The following MIGA1 variants were observed in gnomAD, a reference collection of about 807,000 sequenced individuals.
MIGA1 encodes the protein family with sequence similarity 73, member A.
MIGA1 carries 58 observed loss-of-function variants against 82.0 expected under a neutral mutation model. The ratio of observed to expected loss-of-function variants is 0.71; its 90% CI spans 0.57 to 0.88. The LOEUF (loss-of-function observed/expected upper bound fraction) is 0.88. Among genes scored for constraint, MIGA1 ranks in the 40% least tolerant of loss-of-function variants. MIGA1 has a pLI of 0.00. For synonymous variants in MIGA1, 249 were observed against 253.6 expected (o/e 0.98, Z 0.17); for missense variants, 751 against 749.1 (o/e 1.00, Z -0.03).
chr1:77,877,569 G>A lies in MIGA1; in HGVS notation c.*2505G>A, dbSNP rs910588810. ...TTCACACACACATGTGTGCGTGCAC[G>A]TGCATTTCATTACCATGTAGACAAG... On this transcript the variant is annotated 3_prime_UTR_variant, in exon 16 of 16. Transcript: ENST00000370791. 13 of 152,516 alleles carry A rather than the reference G, an allele frequency of 8.5e-5. No individual in the cohort carries two copies. Among genetic ancestry groups the A allele is most frequent in the African/African-American group, 2.9e-4 (12 of 41,426 alleles). 9.4% of individuals were successfully genotyped at this position (152,516 alleles called of 1,614,324 possible).
chr1:77,820,812 T>C (rs1683777458), intron 7 of MIGA1, among the ~76,000 whole-genome samples: 1 of 152,146 alleles, frequency 6.6e-6, no homozygotes, highest in African/African-American at 2.4e-5. Context: ...AACTAGAAGG[T>C]AATTTGCCTA....
chr1:77,806,918 T>C, intron 4 of MIGA1, 57 bp from the exon 5 acceptor site: 1 of 1,324,010 alleles, frequency 7.6e-7, no homozygotes, highest in South Asian at 1.4e-5. Flanking sequence ...ATATGAAAGA[T>C]CACAACATAC....
At position 77,801,371 on chromosome 1, in the gene MIGA1, C is replaced by G. The variant is rs746573349; in HGVS notation, c.236C>G (p.Thr79Ser). 2.8e-5 allele frequency: 44 copies of G among 1,583,076 alleles called. No individual in the cohort carries two copies. The South Asian group carries it at 5.1e-4, about 18-fold the overall frequency. ...GTGGCTAAAAAGTTGTTTGTGGTAACTGCAGTGAGTGCTATATCTGTAATT... is the reference window on the plus strand; with the variant it reads ...GTGGCTAAAAAGTTGTTTGTGGTAAGTGCAGTGAGTGCTATATCTGTAATT... Residue 79 changes from threonine (T) to serine (S), a missense_variant, in exon 3 of 16, where the codon ACT becomes AGT. Around this residue, in one of 3 missense-constraint regions of MIGA1, gnomAD observed 482 missense variants for 439.4 expected, o/e 1.10. Coordinates refer to ENST00000370791, the MANE Select transcript of MIGA1 (RefSeq NM_198549.4).
chr1:77,817,705 A>G (rs1281302371), intron 7 of MIGA1, among the ~76,000 whole-genome samples: 1 of 152,162 alleles, frequency 6.6e-6, no homozygotes. Flanking sequence ...AATTGCCTAG[A>G]AGTCAGTTAA....
intron 8 of MIGA1, among the ~76,000 whole-genome samples, chr1:77,852,025 C>T (rs1685074750): frequency 6.6e-6 from 1 of 151,914 alleles, no homozygotes; most frequent in South Asian, 2.1e-4. Context: ...GGTGGGATTA[C>T]AGGCATGTGC....
Position 77,848,337 on chromosome 1 carries a change from C to T in MIGA1, c.996+4930C>T, listed in dbSNP as rs1307046873. 37 of 1,254,338 alleles carry T rather than the reference C, an allele frequency of 2.9e-5. 2 individuals carry two copies. Among genetic ancestry groups the T allele is most frequent in the East Asian group, 1.0e-4 (4 of 39,376 alleles). The allele number at this position is 1,254,338 out of a possible 1,614,324, so 77.7% of individuals were successfully genotyped here. On this transcript the variant is annotated intron_variant, in intron 8 of 15. Transcript: ENST00000370791. ...AGAGAGACAACAAAATGATCAGAAC[C>T]GACACAGTGAGAAAGGAGAGAAGGA...
Position 77,875,213 on chromosome 1 carries a change from G to C in MIGA1, c.*149G>C. 3 of 636,166 alleles carry C rather than the reference G, an allele frequency of 4.7e-6. No homozygotes were observed. The highest frequency in any genetic ancestry group is 8.2e-6 in the Non-Finnish European group (3 of 367,816). 39.4% of individuals were successfully genotyped at this position (636,166 alleles called of 1,614,324 possible). A position where few individuals can be genotyped will look rare whatever the true frequency, so the allele number is the denominator to read the frequency against. ...CTACTAAAAAATGAGCAACTGTACT[G>C]TATTTATACAGAAGTTCTGTCATTG... On this transcript the variant is annotated 3_prime_UTR_variant, in exon 16 of 16. Transcript: ENST00000370791.
At chr1:77,803,138 T>A in intron 3 of MIGA1, 132 bp from the exon 4 acceptor site, 1 of 430,784 alleles carries the variant, frequency 2.3e-6, no homozygotes, top group Non-Finnish European at 4.0e-6. Flanking sequence ...TGTAATAATT[T>A]ACACAAGTGA....
Position 77,863,954 on chromosome 1 carries a change from G to A in MIGA1, c.1435G>A (p.Asp479Asn), listed in dbSNP as rs756847681. The A allele has an allele frequency of 5.6e-6, 9 of 1,604,340 alleles. No individual in the cohort carries two copies. The highest frequency in any genetic ancestry group is 1.7e-5 in the Admixed American group (1 of 57,216). Reference sequence around the variant, plus strand: ...TTTTATATTAATGGACTCCTTTGAAGATTTGGAAAACCCACCCACATCCAT... The same window carrying A: ...TTTTATATTAATGGACTCCTTTGAAAATTTGGAAAACCCACCCACATCCAT... The change falls in exon 13 of 16, where the codon GAT becomes AAT. Residue 479 changes from aspartate (D) to asparagine (N), a missense_variant. Physicochemically the swap from Asp to Asn is conservative, Grantham distance 23. Transcript: ENST00000370791.
At chr1:77,811,546 G>A in intron 5 of MIGA1, 1 of 1,606,156 alleles carries the variant, frequency 6.2e-7, no homozygotes, top group Non-Finnish European at 8.5e-7. Context: ...AGACTGTGTG[G>A]ACTGTAAAGC....
chr1:77,817,856 A>T (rs1399386006), intron 7 of MIGA1, among the ~76,000 whole-genome samples: 1 of 151,864 alleles, frequency 6.6e-6, no homozygotes, highest in African/African-American at 2.4e-5. Context: ...TATCTATCTG[A>T]TGTCAGTGAA....
intron 1 of MIGA1, 91 bp from the exon 2 acceptor site, chr1:77,783,147 T>C (rs1271183539): frequency 1.3e-6 from 1 of 790,398 alleles, no homozygotes; most frequent in Non-Finnish European, 1.9e-6. Context: ...AAAAATAAGC[T>C]GATAGAATTA....
At position 77,875,019 on chromosome 1, in the gene MIGA1, T is replaced by C. The variant is rs148341953; in HGVS notation, c.1854T>C (p.His618=). Residue 618 remains histidine (H), a synonymous_variant, in exon 16 of 16, where the codon CAT becomes CAC. Coordinates refer to ENST00000370791, the MANE Select transcript of MIGA1 (RefSeq NM_198549.4). ...ATACAAGTAGTTGTCTAAGCAGTCA[T>C]GGTCATGTTATGTCCACTGGGCTAC... The C allele has an allele frequency of 6.1e-5, 99 of 1,614,188 alleles. No homozygotes were observed. In the African/African-American group the frequency reaches 1.1e-3, roughly 19 times the overall value.
chr1:77,841,737 C>CTTTCTTTTCT (rs71075766), intron 7 of MIGA1, among the ~76,000 whole-genome samples: 15 of 148,900 alleles, frequency 1.0e-4, no homozygotes, highest in South Asian at 2.1e-4. Context: ...CTTCTGCTTT[C>CTTTCTTTTCT]TTTCTTTTCT....
intron 7 of MIGA1, among the ~76,000 whole-genome samples, chr1:77,838,283 G>A (rs1465328834): frequency 1.3e-5 from 2 of 152,092 alleles, no homozygotes; most frequent in African/African-American, 4.8e-5. Flanking sequence ...GTCACCTGCA[G>A]AATGAGCAAC....
At chr1:77,873,933 G>A (rs1447908768) in intron 15 of MIGA1, among the ~76,000 whole-genome samples, 5 of 152,070 alleles carry the variant, frequency 3.3e-5, no homozygotes, top group Non-Finnish European at 7.4e-5. Context: ...TTAGGGGTTG[G>A]GAATTAAGTC....
At chr1:77,836,868 A>G (rs1262339530) in intron 7 of MIGA1, among the ~76,000 whole-genome samples, 2 of 152,212 alleles carry the variant, frequency 1.3e-5, no homozygotes. Flanking sequence ...GATAATGGAA[A>G]GCTTTGGAAA....
At chr1:77,865,718 A>G (rs959012919) in intron 13 of MIGA1, among the ~76,000 whole-genome samples, 3 of 152,016 alleles carry the variant, frequency 2.0e-5, no homozygotes, top group African/African-American at 7.2e-5. Flanking sequence ...AACTCTGAAA[A>G]TTGAATCTCC....
intron 13 of MIGA1, among the ~76,000 whole-genome samples, 178 bp downstream of exon 13, chr1:77,864,206 C>CAA (rs879581853): frequency 1.6e-5 from 2 of 128,664 alleles, no homozygotes; most frequent in Non-Finnish European, 3.4e-5. Flanking sequence ...ACTAAAAATA[C>CAA]AAAAAAAAAA....
Sources: gnomAD v4.1 joint callset for allele counts (sites outside exome capture counted in the v4.1 genomes callset) on GRCh38, gnomAD v4.1.1 for gene constraint, gnomAD v4.1.1 regional missense constraint, MANE v1.5 for transcripts, NCBI Gene and HGNC (gene_info 2026-07-23, HGNC 2026-07-21) for gene names.